LRP12: variants seen among roughly 807,000 people sequenced by gnomAD.
LRP12 encodes LDL receptor related protein 12, also known as low-density lipoprotein receptor-related protein 12.
LRP12 carries 14 observed loss-of-function variants against 66.0 expected under a neutral mutation model. That is an observed-to-expected ratio of 0.21 (90% CI 0.14 to 0.33). LRP12 has a LOEUF of 0.33. LRP12 is among the 10% of genes least tolerant of loss of function. The probability of loss-of-function intolerance (pLI) is 1.00; values close to 1 mark genes in which losing one functional copy is unlikely to be tolerated. For synonymous variants in LRP12, 357 were observed against 359.1 expected, an observed-to-expected ratio of 0.99 and a Z score of 0.07; for missense variants, 889 against 1,053.4, an observed-to-expected ratio of 0.84 and a Z score of 2.16.
intron 1 of LRP12, among the ~76,000 whole-genome samples, chr8:104,564,467 T>C (rs572724845): frequency 2.0e-5 from 3 of 152,220 alleles, no homozygotes; most frequent in Non-Finnish European, 2.9e-5. Context: ...TTTCTGTGAA[T>C]GTGCGCAGGG....
chr8:104,492,991 C>CA (rs1810661434), intron 6 of LRP12, among the ~76,000 whole-genome samples: 1 of 152,208 alleles, frequency 6.6e-6, no homozygotes, highest in African/African-American at 2.4e-5. Flanking sequence ...AAAGGCTCTT[C>CA]TGTTATCCTC....
At chr8:104,545,851 C>T (rs1439448625) in intron 1 of LRP12, among the ~76,000 whole-genome samples, 1 of 152,098 alleles carries the variant, frequency 6.6e-6, no homozygotes, top group Non-Finnish European at 1.5e-5. Flanking sequence ...ACTTATGCTT[C>T]TAATTTTTCT....
intron 6 of LRP12, among the ~76,000 whole-genome samples, chr8:104,494,086 AT>A (rs1810682271): frequency 6.6e-6 from 1 of 152,068 alleles, no homozygotes; most frequent in African/African-American, 2.4e-5. Context: ...CTCTAACTTT[AT>A]GGGGTTTAGG....
At chr8:104,548,174 A>ATC (rs1221257607) in intron 1 of LRP12, among the ~76,000 whole-genome samples, 1 of 99,128 alleles carries the variant, frequency 1.0e-5, no homozygotes, top group Admixed American at 1.5e-4. Context: ...TATATATAAT[A>ATC]TAATATATAA....
intron 1 of LRP12, among the ~76,000 whole-genome samples, chr8:104,537,350 A>G (rs1811405183): frequency 6.6e-6 from 1 of 152,128 alleles, no homozygotes; most frequent in East Asian, 1.9e-4. Context: ...AATTTGCATC[A>G]CGGTCCTAGT....
intron 1 of LRP12, among the ~76,000 whole-genome samples, chr8:104,543,163 A>G (rs961080171): frequency 2.6e-5 from 4 of 151,998 alleles, no homozygotes; most frequent in Non-Finnish European, 4.4e-5. Context: ...ACTTTGCTTT[A>G]TGATACTTTG....
intron 2 of LRP12, among the ~76,000 whole-genome samples, chr8:104,528,407 C>A (rs890499503): frequency 6.6e-6 from 1 of 152,144 alleles, no homozygotes; most frequent in African/African-American, 2.4e-5. Context: ...CTACTTTCTA[C>A]TGGGGATGCA....
chr8:104,547,619 A>G (rs1811608105), intron 1 of LRP12, among the ~76,000 whole-genome samples: 1 of 125,960 alleles, frequency 7.9e-6, no homozygotes, highest in African/African-American at 3.1e-5. Context: ...TATATAATAT[A>G]TTAATATATA....
intron 1 of LRP12, among the ~76,000 whole-genome samples, chr8:104,570,174 GAAAA>G (rs1812057199): frequency 6.6e-6 from 1 of 152,072 alleles, no homozygotes; most frequent in Non-Finnish European, 1.5e-5. Flanking sequence ...TCATGGATTA[GAAAA>G]CTCAACATAG....
intron 2 of LRP12, among the ~76,000 whole-genome samples, chr8:104,517,705 T>G (rs1811092961): frequency 6.6e-6 from 1 of 152,094 alleles, no homozygotes; most frequent in African/African-American, 2.4e-5. Context: ...TTTTTCAGAG[T>G]ACTGTATAGA....
chr8:104,571,463 A>G (rs1443199700), intron 1 of LRP12, among the ~76,000 whole-genome samples: 1 of 152,170 alleles, frequency 6.6e-6, no homozygotes, highest in East Asian at 1.9e-4. Context: ...GGTTTCCTCC[A>G]TGATGTTCTC....
chr8:104,547,349 T>TA (rs1811590323), intron 1 of LRP12, among the ~76,000 whole-genome samples: 1 of 105,526 alleles, frequency 9.5e-6, no homozygotes, highest in Non-Finnish European at 1.8e-5. Context: ...TACAATTCTG[T>TA]TATATTTTGT....
Position 104,497,529 on chromosome 8 carries a change from A to G in LRP12, c.1023T>C (p.Leu341=), listed in dbSNP as rs758734962. The change falls in exon 5 of 7, where the codon CTT becomes CTC. Residue 341 remains leucine (L), a synonymous_variant. Transcript: ENST00000276654. The surrounding 1 kb of genome is among the most constrained non-coding windows in gnomAD (Gnocchi z 4.3). ...VLTAFDSHAP[L]TVVSSSGQIR... ...TCTGTCCAGAAGAAGAAACAACTGTAAGAGGTGCATGAGAATCAAAAGCTG... is the reference window on the plus strand; with the variant it reads ...TCTGTCCAGAAGAAGAAACAACTGTGAGAGGTGCATGAGAATCAAAAGCTG... The G allele has an allele frequency of 1.9e-5, 30 of 1,614,072 alleles. No individual in the cohort carries two copies. The highest frequency in any genetic ancestry group is 2.5e-5 in the Non-Finnish European group (30 of 1,179,974).
Position 104,490,798 on chromosome 8 carries a change from G to C in LRP12, c.2455C>G (p.Pro819Ala), listed in dbSNP as rs1810607577. 1 of 1,613,950 alleles carries C rather than the reference G, an allele frequency of 6.2e-7. No individual in the cohort carries two copies. Among genetic ancestry groups the C allele is most frequent in the East Asian group, 2.2e-5 (1 of 44,878 alleles). ...PYNATNPGVR[P>A]SNRDGPCERC... ...TCACAGGGGCCATCTCGATTACTTG[G>C]CCTTACTCCAGGATTTGTTGCATTA... The change falls in exon 7 of 7, where the codon CCA becomes GCA. Residue 819 changes from proline to alanine, a missense_variant. By Grantham distance (27) the Pro-to-Ala change is conservative (BLOSUM62 -1). Coordinates refer to ENST00000276654, the MANE Select transcript of LRP12 (RefSeq NM_013437.5).
At chr8:104,584,780 T>C (rs1812304830) in intron 1 of LRP12, among the ~76,000 whole-genome samples, 1 of 152,222 alleles carries the variant, frequency 6.6e-6, no homozygotes, top group South Asian at 2.1e-4. Flanking sequence ...AATTCAATTT[T>C]ATTCAACACA....
chr8:104,493,847 G>A (rs1459474333), intron 6 of LRP12, among the ~76,000 whole-genome samples: 2 of 152,136 alleles, frequency 1.3e-5, no homozygotes, highest in Non-Finnish European at 2.9e-5. Flanking sequence ...AAGGACAACT[G>A]GAAGGTCCAT....
chr8:104,588,513 G>A (rs957373095), intron 1 of LRP12, among the ~76,000 whole-genome samples: 1 of 152,182 alleles, frequency 6.6e-6, no homozygotes, highest in Non-Finnish European at 1.5e-5. Context: ...TGGAGCAACT[G>A]GCCGCGGGGG....
rs112084544 is a variant in LRP12, at chr8:104,497,733, G to T, written c.819C>A (p.Pro273=). The T allele has an allele frequency of 6.2e-7, 1 of 1,613,650 alleles. No individual in the cohort carries two copies. Among genetic ancestry groups the T allele is most frequent in the Non-Finnish European group, 8.5e-7 (1 of 1,179,818 alleles). ...LKYFYGTFNS[P]NYPDFYPPGS... ...CAGGAGGATAAAAGTCTGGATAATT[G>T]GGAGAATTAAAAGTACCATAAAAAT... Residue 273 remains proline, a synonymous_variant, in exon 5 of 7, where the codon CCC becomes CCA. Transcript: ENST00000276654. The surrounding 1 kb of genome is among the most constrained non-coding windows in gnomAD (Gnocchi z 4.3).
rs1252774767 is a variant in LRP12 at position 104,491,118 on chromosome 8, G to T, written c.2135C>A (p.Thr712Lys). The change falls in exon 7 of 7, where the codon ACA becomes AAA. Residue 712 changes from threonine to lysine, a missense_variant. Coordinates refer to ENST00000276654, the MANE Select transcript of LRP12 (RefSeq NM_013437.5). ...GGHADNGRDV[T>K]SVEPPSVSPA... ...ACTCACACTTGGGGGTTCCACACTT[G>T]TCACATCCCTTCCATTATCTGCATG... 1 of 1,614,078 alleles carries T rather than the reference G, an allele frequency of 6.2e-7. No individual in the cohort carries two copies. Among genetic ancestry groups the T allele is most frequent in the East Asian group, 2.2e-5 (1 of 44,866 alleles).
Sources: gnomAD v4.1 joint callset for allele counts (sites outside exome capture counted in the v4.1 genomes callset) on GRCh38, gnomAD v4.1.1 for gene constraint, Gnocchi (gnomAD v3.1) non-coding constraint, MANE v1.5 for transcripts, NCBI Gene and HGNC (gene_info 2026-07-23, HGNC 2026-07-21) for gene names.